The following C8orf34 variants were observed in gnomAD, a reference collection of about 807,000 sequenced individuals.
C8orf34 encodes the protein uncharacterized protein C8orf34.
A neutral mutation model predicts 68.3 loss-of-function variants in C8orf34; 65 were observed. That is an observed-to-expected ratio of 0.95 (90% confidence interval 0.78 to 1.17). The LOEUF is 1.17. C8orf34 is among the 50% of genes most tolerant of loss of function. The probability of loss-of-function intolerance (pLI) is 0.00; values close to 1 mark genes in which losing one functional copy is unlikely to be tolerated. For missense variants in C8orf34, 664 were observed against 655.4 expected (o/e 1.01, Z -0.14); for synonymous variants, 244 against 241.2 (o/e 1.01, Z -0.11).
chr8:68,468,998 G>C (rs1812267434), intron 4 of C8orf34, among the ~76,000 whole-genome samples, 178 bp downstream of exon 4: 1 of 151,992 alleles, frequency 6.6e-6, no homozygotes. Context: ...ACAGATTCTT[G>C]GGTAGACTGA....
chr8:68,542,587 A>G (rs1189701381), intron 7 of C8orf34, among the ~76,000 whole-genome samples: 2 of 152,172 alleles, frequency 1.3e-5, no homozygotes, highest in African/African-American at 4.8e-5. Context: ...TTATTCATAT[A>G]TATAGTCTAA....
chr8:68,588,635 T>C (rs575174683), intron 7 of C8orf34, among the ~76,000 whole-genome samples: 55 of 152,290 alleles, frequency 3.6e-4, no homozygotes, highest in African/African-American at 1.3e-3. Context: ...TAAGTTCATG[T>C]GACAAAAGTC....
Position 68,649,164 on chromosome 8 carries a change from C to T in C8orf34, c.1241+8653C>T, listed in dbSNP as rs144701759. Among the ~76,000 whole-genome samples the T allele has an allele frequency of 3.4e-3, 523 of 152,246 alleles. 1 individual carries two copies. Among genetic ancestry groups the T allele is most frequent in the African/African-American group, 0.012 (497 of 41,536 alleles). Reference sequence around the variant, plus strand: ...TTAAATTTTGAAGTTTTTCATAAAGCTGACCTCCCAGGCCTAGAGGTGTAA... The same window carrying T: ...TTAAATTTTGAAGTTTTTCATAAAGTTGACCTCCCAGGCCTAGAGGTGTAA... On this transcript the variant is annotated intron_variant, in intron 8 of 13. Transcript: ENST00000518698.
intron 10 of C8orf34, among the ~76,000 whole-genome samples, chr8:68,771,617 T>A (rs1302351113): frequency 6.6e-6 from 1 of 152,158 alleles, no homozygotes; most frequent in Non-Finnish European, 1.5e-5. Context: ...CTTAAGCAGC[T>A]CCTTTATCCG....
chr8:68,344,496 C>T (rs918976392), intron 1 of C8orf34, among the ~76,000 whole-genome samples: 1 of 151,764 alleles, frequency 6.6e-6, no homozygotes, highest in Non-Finnish European at 1.5e-5. Context: ...ATATAAATAC[C>T]CCAGTTATGA....
At chr8:68,668,309 G>T (rs1021589620) in intron 8 of C8orf34, among the ~76,000 whole-genome samples, 1 of 152,120 alleles carries the variant, frequency 6.6e-6, no homozygotes, top group Non-Finnish European at 1.5e-5. Flanking sequence ...GGATTTAGGG[G>T]AGTTTATATT....
At chr8:68,673,510 C>T (rs376590652) in intron 8 of C8orf34, among the ~76,000 whole-genome samples, 67 of 152,220 alleles carry the variant, frequency 4.4e-4, no homozygotes, top group African/African-American at 1.3e-3. Context: ...GTATTTGCTA[C>T]GAGCCTGGAG....
At chr8:68,665,025 G>A (rs567596961) in intron 8 of C8orf34, among the ~76,000 whole-genome samples, 15 of 152,322 alleles carry the variant, frequency 9.8e-5, no homozygotes, top group African/African-American at 3.4e-4. Context: ...TGATACTCAA[G>A]AAACAGGTTA....
intron 8 of C8orf34, among the ~76,000 whole-genome samples, chr8:68,681,457 A>G (rs1820368278): frequency 6.6e-6 from 1 of 152,114 alleles, no homozygotes; most frequent in South Asian, 2.1e-4. Context: ...TCAATCTACA[A>G]TGAGATGTTA....
chr8:68,705,681 AG>A (rs1265849433), intron 8 of C8orf34, among the ~76,000 whole-genome samples: 1 of 152,158 alleles, frequency 6.6e-6, no homozygotes, highest in African/African-American at 2.4e-5. Context: ...GAACATGAAA[AG>A]GAAACAGCTA....
intron 8 of C8orf34, among the ~76,000 whole-genome samples, chr8:68,662,157 T>C (rs1819699356): frequency 6.6e-6 from 1 of 152,054 alleles, no homozygotes; most frequent in Admixed American, 6.5e-5. Flanking sequence ...GGGAGGGTGC[T>C]GGGAGGAAAT....
At chr8:68,467,926 TA>T (rs1792341333) in intron 3 of C8orf34, among the ~76,000 whole-genome samples, 1 of 151,780 alleles carries the variant, frequency 6.6e-6, no homozygotes, top group Non-Finnish European at 1.5e-5. Context: ...AACCATTTTT[TA>T]AAAAAAATAT....
chr8:68,375,613 A>T (rs1024417774), intron 1 of C8orf34, among the ~76,000 whole-genome samples: 16 of 152,366 alleles, frequency 1.1e-4, no homozygotes, highest in Admixed American at 4.6e-4. Context: ...AGACAAGACA[A>T]TCTTTCAATC....
chr8:68,344,875 T>C (rs944557143), intron 1 of C8orf34, among the ~76,000 whole-genome samples: 1 of 152,076 alleles, frequency 6.6e-6, no homozygotes, highest in Non-Finnish European at 1.5e-5. Context: ...GTGATATTGA[T>C]AGAAAAATAT....
chr8:68,385,145 T>C (rs1808207026), intron 1 of C8orf34, among the ~76,000 whole-genome samples: 1 of 152,174 alleles, frequency 6.6e-6, no homozygotes, highest in South Asian at 2.1e-4. Flanking sequence ...ACAATTACTA[T>C]GTGACAGTCA....
chr8:68,623,755 A>G (rs1818454540), intron 7 of C8orf34, among the ~76,000 whole-genome samples: 1 of 151,604 alleles, frequency 6.6e-6, no homozygotes, highest in African/African-American at 2.4e-5. Flanking sequence ...AAGGGGAGAG[A>G]GCTCACTGGG....
chr8:68,560,964 C>G (rs1028713789), intron 7 of C8orf34, among the ~76,000 whole-genome samples: 18 of 150,914 alleles, frequency 1.2e-4, no homozygotes, highest in Non-Finnish European at 7.4e-5. Flanking sequence ...TAACTTCATA[C>G]ACTTTTAATT....
At chr8:68,424,120 C>G (rs947751009) in intron 1 of C8orf34, among the ~76,000 whole-genome samples, 1 of 152,136 alleles carries the variant, frequency 6.6e-6, no homozygotes, top group Non-Finnish European at 1.5e-5. Flanking sequence ...TTCCCTCCCC[C>G]CTGCCCATGT....
At chr8:68,435,053 A>G (rs1264423283) in intron 1 of C8orf34, among the ~76,000 whole-genome samples, 1 of 151,144 alleles carries the variant, frequency 6.6e-6, no homozygotes, top group African/African-American at 2.4e-5. Context: ...CCATCTCAAA[A>G]AAAAAAAAAA....
Sources: allele counts gnomAD v4.1 joint callset (sites outside exome capture counted in the v4.1 genomes callset), GRCh38; gene constraint gnomAD v4.1.1; transcripts MANE v1.5; gene names NCBI Gene and HGNC (gene_info 2026-07-23, HGNC 2026-07-21).